The following VAC14 variants were observed in gnomAD, a reference collection of about 807,000 sequenced individuals.
VAC14 encodes protein VAC14 homolog.
In VAC14, 47 loss-of-function variants were observed where a neutral mutation model predicts 85.3. The ratio of observed to expected loss-of-function variants is 0.55; its 90% CI spans 0.44 to 0.70. VAC14 has a LOEUF of 0.70. Ranked by LOEUF, VAC14 falls within the 30% of genes least tolerant of loss-of-function variation. The pLI, the probability that VAC14 is intolerant of heterozygous loss-of-function variation, is 0.00. For synonymous variants in VAC14, 447 were observed against 430.5 expected (o/e 1.04, Z -0.47); for missense variants, 861 against 1,004.3 (o/e 0.86, Z 1.93).
chr16:70,749,991 G>C (rs1032101046), intron 12 of VAC14, among the ~76,000 whole-genome samples: 2 of 152,248 alleles, frequency 1.3e-5, no homozygotes, highest in Non-Finnish European at 2.9e-5. Flanking sequence ...ACCTGGCTTT[G>C]AGCCTCTGTG....
At chr16:70,784,591 C>A (rs1045156852) in intron 4 of VAC14, among the ~76,000 whole-genome samples, 185 bp downstream of exon 4, 1 of 152,098 alleles carries the variant, frequency 6.6e-6, no homozygotes, top group African/African-American at 2.4e-5. Flanking sequence ...TGGCACAGTT[C>A]TGTATTTGAT....
chr16:70,718,574 A>T lies in VAC14; in HGVS notation c.1661+12921T>A, dbSNP rs573221138. 4.7e-4 allele frequency among the ~76,000 whole-genome samples: 62 copies of T among 133,246 alleles called. 1 individual carries two copies. Among genetic ancestry groups the T allele is most frequent in the Middle Eastern group, 3.9e-3 (1 of 258 alleles). The allele number at this position is 133,246 out of a possible 152,430, so 87.4% of individuals were successfully genotyped here. A position where few individuals can be genotyped will look rare whatever the true frequency, so the allele number is the denominator to read the frequency against. On this transcript the variant is annotated intron_variant, in intron 14 of 18. Transcript: ENST00000261776. Reference sequence around the variant, plus strand: ...GGGTGACAGAATGAGACTCCTTTTTAAAAAAAAAAAAAACAAAAAAACAAA... The same window carrying T: ...GGGTGACAGAATGAGACTCCTTTTTTAAAAAAAAAAAAACAAAAAAACAAA...
chr16:70,772,461 G>C (rs2033288913), intron 9 of VAC14: 3 of 350,882 alleles, frequency 8.5e-6, no homozygotes, highest in Non-Finnish European at 1.6e-5. Flanking sequence ...GGGAATGGAT[G>C]TTTAAAATGA....
chr16:70,794,500 C>T (rs1372348573), intron 1 of VAC14, among the ~76,000 whole-genome samples: 1 of 152,096 alleles, frequency 6.6e-6, no homozygotes, highest in South Asian at 2.1e-4. Flanking sequence ...AACTCAAATG[C>T]CCACACGGGC....
chr16:70,697,178 G>C lies in VAC14; in HGVS notation c.1916C>G (p.Thr639Ser). 2 of 1,614,050 alleles carry C rather than the reference G, an allele frequency of 1.2e-6. No individual in the cohort carries two copies. The highest frequency in any genetic ancestry group is 1.7e-6 in the Non-Finnish European group (2 of 1,179,960). ...PVTTVSLCFL[T>S]QNYRHAYDLI... The stretch of plus-strand genomic sequence containing the variant: ...GTCATAGGCGTGCCGGTAGTTCTGG[G>C]TGAGGAAGCAGAGGGACACCGTGGT... The change falls in exon 16 of 19, where the codon ACC becomes AGC. Residue 639 changes from threonine to serine, a missense_variant. Coordinates refer to ENST00000261776, the MANE Select transcript of VAC14 (RefSeq NM_018052.5).
chr16:70,784,820 G>T lies in VAC14; in HGVS notation c.442C>A (p.Pro148Thr). The T allele has an allele frequency of 6.2e-7, 1 of 1,614,090 alleles. No homozygotes were observed. The highest frequency in any genetic ancestry group is 8.5e-7 in the Non-Finnish European group (1 of 1,180,022). ...GLSKLAADPD[P>T]NVKSGSELLD... is the part of the protein sequence containing the mutation. ...AGCTCAGATCCGCTTTTCACATTGG[G>T]GTCTGGGTCGGCTGCCAGCTGCAAG... Residue 148 changes from proline to threonine, a missense_variant, in exon 4 of 19, where the codon CCC becomes ACC. By Grantham distance (38) the Pro-to-Thr change is conservative. Transcript: ENST00000261776.
intron 17 of VAC14, among the ~76,000 whole-genome samples, chr16:70,695,105 C>CA (rs1247422963): frequency 6.7e-6 from 1 of 148,396 alleles, no homozygotes; most frequent in African/African-American, 2.4e-5. Context: ...CCTATCATCC[C>CA]AGTCTTTTTT....
intron 14 of VAC14, among the ~76,000 whole-genome samples, chr16:70,700,982 C>G (rs1277586271): frequency 6.6e-6 from 1 of 152,136 alleles, no homozygotes; most frequent in African/African-American, 2.4e-5. Flanking sequence ...GAGGGAGGGA[C>G]GGAAGAGGGG....
In VAC14 at chr16:70,762,795, C is replaced by T. The variant is rs2032507795; in HGVS notation, c.1305+86G>A. ...CAGGGTTTCCCTAGAAGGGCAATGA[C>T]CAAAATGCTACCAACTATGGGCAGG... On this transcript the variant is annotated intron_variant, in intron 11 of 18. Transcript: ENST00000261776. This position sits in a 1 kb window ranked among gnomAD's most constrained non-coding sequence, Gnocchi z 4.1. 8 of 1,596,208 alleles carry T rather than the reference C, an allele frequency of 5.0e-6. No individual in the cohort carries two copies. The highest frequency in any genetic ancestry group is 2.7e-5 in the African/African-American group (2 of 74,496).
At chr16:70,765,073 A>T (rs1466404976) in intron 10 of VAC14, among the ~76,000 whole-genome samples, 1 of 152,184 alleles carries the variant, frequency 6.6e-6, no homozygotes, top group Non-Finnish European at 1.5e-5. Context: ...TATGCAAAGC[A>T]GGTGAACAGA....
At chr16:70,782,385 G>C (rs1490979800) in intron 7 of VAC14, among the ~76,000 whole-genome samples, 9 of 152,376 alleles carry the variant, frequency 5.9e-5, no homozygotes, top group Admixed American at 2.0e-4. Context: ...AACAGGCCTT[G>C]CTCACTTCTA....
At chr16:70,702,525 C>T (rs964041913) in intron 14 of VAC14, among the ~76,000 whole-genome samples, 5 of 152,110 alleles carry the variant, frequency 3.3e-5, no homozygotes, top group South Asian at 2.1e-4. Context: ...GGGCTGGCAG[C>T]GGAGGGGCCT....
intron 10 of VAC14, chr16:70,770,466 C>CGA (rs2033135614): frequency 6.6e-6 from 1 of 152,232 alleles, no homozygotes; most frequent in African/African-American, 2.4e-5. Context: ...ACTGACCCCA[C>CGA]GAGACTCAGA....
At chr16:70,754,206 G>C (rs1417965157) in intron 12 of VAC14, among the ~76,000 whole-genome samples, 5 of 152,226 alleles carry the variant, frequency 3.3e-5, no homozygotes, top group Non-Finnish European at 7.3e-5. Flanking sequence ...CCTGTGCTCT[G>C]GGGTGGCTGC....
chr16:70,775,463 C>T (rs1348232430), intron 9 of VAC14, among the ~76,000 whole-genome samples: 1 of 152,246 alleles, frequency 6.6e-6, no homozygotes, highest in East Asian at 1.9e-4. Flanking sequence ...TAGAGCAGTG[C>T]TATTCTAGGT....
intron 14 of VAC14, among the ~76,000 whole-genome samples, chr16:70,711,654 A>C (rs1345839528): frequency 1.3e-5 from 2 of 152,072 alleles, no homozygotes; most frequent in African/African-American, 4.8e-5. Flanking sequence ...CCCAAGAGGA[A>C]GCACAGCTCA....
intron 1 of VAC14, among the ~76,000 whole-genome samples, chr16:70,800,200 C>T (rs2034714821): frequency 6.6e-6 from 1 of 152,174 alleles, no homozygotes; most frequent in Admixed American, 6.5e-5. Context: ...AGTAAAATAT[C>T]AGATCATTGT....
chr16:70,695,501 C>T (rs1484373540), intron 17 of VAC14, 43 bp downstream of exon 17: 1 of 1,607,504 alleles, frequency 6.2e-7, no homozygotes, highest in Non-Finnish European at 8.5e-7. Context: ...TCCAGGGCAG[C>T]CTTGGACTCA....
intron 4 of VAC14, 117 bp from the exon 5 acceptor site, chr16:70,784,337 G>T: frequency 6.7e-6 from 5 of 751,712 alleles, no homozygotes; most frequent in Non-Finnish European, 1.1e-5. Context: ...GAAAATGGCA[G>T]ATCCTGAGCT....
Sources: gnomAD v4.1 joint callset for allele counts (sites outside exome capture counted in the v4.1 genomes callset) on GRCh38, gnomAD v4.1.1 for gene constraint, Gnocchi (gnomAD v3.1) non-coding constraint, MANE v1.5 for transcripts, NCBI Gene and HGNC (gene_info 2026-07-23, HGNC 2026-07-21) for gene names.